DCC: variants seen among roughly 807,000 people sequenced by gnomAD.
DCC encodes the protein netrin receptor DCC.
A neutral mutation model predicts 172.5 loss-of-function variants in DCC; 58 were observed. That is an observed-to-expected ratio of 0.34 (90% CI 0.27 to 0.42). DCC has a LOEUF of 0.42. Ranked by LOEUF, DCC falls within the 10% of genes least tolerant of loss-of-function variation. DCC has a pLI of 1.00. For synonymous variants in DCC, 709 were observed against 644.5 expected (o/e 1.10, Z -1.52); for missense variants, 1,740 against 1,791.0 (o/e 0.97, Z 0.51).
intron 7 of DCC, among the ~76,000 whole-genome samples, chr18:53,115,203 T>G (rs1026963623): frequency 2.6e-5 from 4 of 151,664 alleles, no homozygotes; most frequent in African/African-American, 9.7e-5. Flanking sequence ...ACTGGTTGTA[T>G]GCCAATGATG....
chr18:52,467,171 T>G (rs1988810478), intron 1 of DCC, among the ~76,000 whole-genome samples: 1 of 152,058 alleles, frequency 6.6e-6, no homozygotes, highest in African/African-American at 2.4e-5. Context: ...ACATTAGATA[T>G]TTCTCCTAAT....
At chr18:52,378,860 C>T (rs1405871747) in intron 1 of DCC, among the ~76,000 whole-genome samples, 2 of 152,076 alleles carry the variant, frequency 1.3e-5, no homozygotes, top group African/African-American at 4.8e-5. Context: ...AATATATATA[C>T]TATTTTAATA....
chr18:52,444,393 TA>T (rs1988060318), intron 1 of DCC, among the ~76,000 whole-genome samples: 1 of 152,216 alleles, frequency 6.6e-6, no homozygotes, highest in Non-Finnish European at 1.5e-5. Flanking sequence ...CAGCTGAATT[TA>T]TTTTTTTTAG....
At chr18:52,969,095 C>G (rs1372682549) in intron 5 of DCC, among the ~76,000 whole-genome samples, 1 of 152,092 alleles carries the variant, frequency 6.6e-6, no homozygotes, top group African/African-American at 2.4e-5. Flanking sequence ...TTCTCTAGGG[C>G]TCTGCTCTTT....
At chr18:52,838,454 T>G (rs1449296020) in intron 2 of DCC, among the ~76,000 whole-genome samples, 1 of 152,186 alleles carries the variant, frequency 6.6e-6, no homozygotes, top group African/African-American at 2.4e-5. Context: ...GTACACAATG[T>G]CAGTGATTGT....
At chr18:53,195,582 C>A (rs573211541) in intron 9 of DCC, among the ~76,000 whole-genome samples, 2 of 152,116 alleles carry the variant, frequency 1.3e-5, no homozygotes, top group Non-Finnish European at 2.9e-5. Flanking sequence ...ATATCTGAAG[C>A]CTTCCACGAG....
chr18:52,354,872 C>G (rs913001993), intron 1 of DCC, among the ~76,000 whole-genome samples: 1 of 151,940 alleles, frequency 6.6e-6, no homozygotes, highest in Admixed American at 6.6e-5. Context: ...CCTTTACATG[C>G]CATTATTAAT....
At chr18:52,964,531 C>T (rs549289065) in intron 5 of DCC, among the ~76,000 whole-genome samples, 7 of 152,044 alleles carry the variant, frequency 4.6e-5, no homozygotes, top group Middle Eastern at 3.4e-3. Context: ...GTACGTCAAT[C>T]GATCGTAATT....
At chr18:52,742,752 G>T (rs1191676687) in intron 1 of DCC, among the ~76,000 whole-genome samples, 2 of 152,088 alleles carry the variant, frequency 1.3e-5, no homozygotes, top group Non-Finnish European at 2.9e-5. Flanking sequence ...AAGTAGAAGT[G>T]AGAACTATGA....
intron 1 of DCC, among the ~76,000 whole-genome samples, chr18:52,430,394 GA>G (rs141550099): frequency 0.32 from 49,192 of 151,592 alleles, 8,694 homozygotes; most frequent in Non-Finnish European, 0.4. Flanking sequence ...TACAGTACAA[GA>G]AAAAATGCAT....
chr18:53,379,880 G>A (rs540814055), intron 15 of DCC, among the ~76,000 whole-genome samples: 14 of 152,214 alleles, frequency 9.2e-5, no homozygotes, highest in Admixed American at 4.6e-4. Flanking sequence ...AAGAATTCCC[G>A]TGGACTTCCA....
intron 9 of DCC, among the ~76,000 whole-genome samples, chr18:53,184,123 G>A (rs767045974): frequency 4.0e-5 from 6 of 151,804 alleles, no homozygotes. Flanking sequence ...GGTAAATAAG[G>A]CTAATATAAT....
At chr18:53,121,133 G>A (rs1414702739) in intron 7 of DCC, among the ~76,000 whole-genome samples, 1 of 151,742 alleles carries the variant, frequency 6.6e-6, no homozygotes, top group Non-Finnish European at 1.5e-5. Flanking sequence ...TCCAACACAC[G>A]TTCATTTGTT....
intron 5 of DCC, among the ~76,000 whole-genome samples, chr18:53,052,057 T>C (rs2042341309): frequency 6.6e-6 from 1 of 152,050 alleles, no homozygotes; most frequent in Non-Finnish European, 1.5e-5. Context: ...CTCATTTACA[T>C]TCACTCTGAT....
At chr18:52,645,064 C>A (rs777839649) in intron 1 of DCC, among the ~76,000 whole-genome samples, 1 of 151,916 alleles carries the variant, frequency 6.6e-6, no homozygotes, top group Non-Finnish European at 1.5e-5. Context: ...TTGTAAGAAG[C>A]GGATTTCCCC....
At chr18:52,393,941 G>A (rs897350016) in intron 1 of DCC, among the ~76,000 whole-genome samples, 4 of 151,948 alleles carry the variant, frequency 2.6e-5, no homozygotes, top group Admixed American at 1.3e-4. Context: ...TCCTAAATGC[G>A]TATTTTAATT....
At chr18:53,499,173 C>A in intron 26 of DCC, 125 bp from the exon 27 acceptor site, 2 of 908,456 alleles carry the variant, frequency 2.2e-6, no homozygotes, top group South Asian at 1.4e-5. Context: ...ATGTTCATAA[C>A]TTGGAGAAGA....
At chr18:52,435,091 G>A (rs1219384001) in intron 1 of DCC, among the ~76,000 whole-genome samples, 1 of 152,192 alleles carries the variant, frequency 6.6e-6, no homozygotes, top group Non-Finnish European at 1.5e-5. Flanking sequence ...TTCTTCGCAT[G>A]TGGGCCCTCA....
intron 1 of DCC, among the ~76,000 whole-genome samples, chr18:52,450,494 C>A (rs546265514): frequency 6.6e-6 from 1 of 152,162 alleles, no homozygotes; most frequent in Non-Finnish European, 1.5e-5. Flanking sequence ...TTTTTATTCT[C>A]AAAATTGTCC....
Sources: gnomAD v4.1 joint callset for allele counts (sites outside exome capture counted in the v4.1 genomes callset) on GRCh38, gnomAD v4.1.1 for gene constraint, MANE v1.5 for transcripts, NCBI Gene and HGNC (gene_info 2026-07-23, HGNC 2026-07-21) for gene names.